POLR3B: variants seen among roughly 807,000 people sequenced by gnomAD.
POLR3B encodes DNA-directed RNA polymerase III subunit RPC2.
A neutral mutation model predicts 147.4 loss-of-function variants in POLR3B; 96 were observed. The ratio of observed to expected loss-of-function variants is 0.65; its 90% CI spans 0.55 to 0.77. The LOEUF (loss-of-function observed/expected upper bound fraction) is 0.77. Among genes scored for constraint, POLR3B ranks in the 30% least tolerant of loss-of-function variants. The probability of loss-of-function intolerance (pLI) is 0.00; values close to 1 mark genes in which losing one functional copy is unlikely to be tolerated. For missense variants in POLR3B, 1,036 were observed against 1,413.5 expected (o/e 0.73, Z 4.28); for synonymous variants, 461 against 485.9 (o/e 0.95, Z 0.67).
intron 14 of POLR3B, among the ~76,000 whole-genome samples, chr12:106,431,026 G>C (rs1339704070): frequency 2.0e-5 from 3 of 152,148 alleles, no homozygotes; most frequent in Middle Eastern, 3.2e-3. Context: ...TGTTAACATT[G>C]TTAGTTTCAC....
At chr12:106,432,238 T>C in intron 14 of POLR3B, 80 bp from the exon 15 acceptor site, 9 of 1,308,782 alleles carry the variant, frequency 6.9e-6, no homozygotes, top group Non-Finnish European at 1.0e-5. Flanking sequence ...GCCAGCAAAG[T>C]AGTGAGCTAT....
intron 12 of POLR3B, among the ~76,000 whole-genome samples, chr12:106,425,276 C>T (rs933742413): frequency 6.6e-5 from 10 of 152,148 alleles, no homozygotes; most frequent in Non-Finnish European, 7.4e-5. Flanking sequence ...CTTTGCCCAA[C>T]CAGGTTTCCT....
At position 106,437,751 on chromosome 12, in the gene POLR3B, A is replaced by C; in HGVS notation, c.1927A>C (p.Ile643Leu). 6.3e-7 allele frequency: 1 copy of C among 1,595,788 alleles called. No homozygotes were observed. The highest frequency in any genetic ancestry group is 8.6e-7 in the Non-Finnish European group (1 of 1,163,432). The change falls in exon 18 of 28, where the codon ATT becomes CTT. Residue 643 changes from isoleucine (I) to leucine (L), a missense_variant. Physicochemically the swap from Ile to Leu is conservative, Grantham distance 5. This residue lies in a region of POLR3B where 177 missense variants were observed against 232.7 expected (regional missense o/e 0.76). Coordinates refer to ENST00000228347, the MANE Select transcript of POLR3B (RefSeq NM_018082.6). The stretch of plus-strand genomic sequence containing the variant: ...TGTGAATGAAGAAAATGATTGTAAC[A>C]TTGCACTGTACGAACACACAATTAA... ...LDVNEENDCN[I>L]ALYEHTINKD...
Position 106,496,846 on chromosome 12 carries a change from A to G in POLR3B, c.2912A>G (p.Asp971Gly). ...GCGTTTGGAGGCAGTAAAGTGAAGG[A>G]TGTGTGTGAGGACCTCGTTCGCCAT... ...GTAFGGSKVK[D>G]VCEDLVRHGY... The change falls in exon 25 of 28, where the codon GAT (aspartate) becomes GGT (glycine). Residue 971 changes from aspartate to glycine, a missense_variant. Around this residue, in one of 12 missense-constraint regions of POLR3B, gnomAD observed 88 missense variants for 87.5 expected, o/e 1.01. Coordinates refer to ENST00000228347, the MANE Select transcript of POLR3B (RefSeq NM_018082.6). The G allele has an allele frequency of 6.2e-7, 1 of 1,614,132 alleles. No homozygotes were observed. Among genetic ancestry groups the G allele is most frequent in the Non-Finnish European group, 8.5e-7 (1 of 1,180,016 alleles).
At chr12:106,386,342 CAA>C (rs61272699) in intron 9 of POLR3B, among the ~76,000 whole-genome samples, 16 of 104,866 alleles carry the variant, frequency 1.5e-4, no homozygotes, top group East Asian at 3.5e-4. Context: ...GACTCCGTCT[CAA>C]AAAAAAAAAA....
In POLR3B at chr12:106,379,940, C is replaced by T. The variant is rs555232960; in HGVS notation, c.615-91C>T. 1.1e-4 allele frequency: 83 copies of T among 761,570 alleles called. 2 individuals carry two copies. In the South Asian group the frequency reaches 1.2e-3, roughly 11 times the overall value. 47.2% of individuals were successfully genotyped at this position (761,570 alleles called of 1,614,324 possible). ...TTGTGATTGTTGTTGATCAGTTGAC[C>T]CTTATTGATTAATGATCATTGCTAT... On this transcript the variant is annotated intron_variant, in intron 8 of 27. Coordinates refer to ENST00000228347, the MANE Select transcript of POLR3B (RefSeq NM_018082.6).
At chr12:106,490,922 G>T (rs888374831) in intron 23 of POLR3B, among the ~76,000 whole-genome samples, 1 of 152,036 alleles carries the variant, frequency 6.6e-6, no homozygotes, top group South Asian at 2.1e-4. Flanking sequence ...GCAACCCCAG[G>T]CCTCGTGAAA....
chr12:106,418,463 T>TTCA, intron 12 of POLR3B, among the ~76,000 whole-genome samples: 1 of 152,260 alleles, frequency 6.6e-6, no homozygotes, highest in South Asian at 2.1e-4. Flanking sequence ...CCAGTTTGTG[T>TTCA]GAAAAGGAGA....
intron 12 of POLR3B, among the ~76,000 whole-genome samples, chr12:106,426,266 G>A (rs1050993907): frequency 6.1e-5 from 9 of 148,504 alleles, no homozygotes; most frequent in African/African-American, 2.3e-4. Flanking sequence ...GTGTGTGTGT[G>A]TTTAAGACAG....
intron 10 of POLR3B, among the ~76,000 whole-genome samples, chr12:106,401,313 G>A (rs960407378): frequency 2.6e-5 from 4 of 152,192 alleles, no homozygotes; most frequent in African/African-American, 4.8e-5. Context: ...AACAGGCTCT[G>A]AAATTGAGGC....
intron 19 of POLR3B, among the ~76,000 whole-genome samples, chr12:106,446,912 A>G (rs1285610320): frequency 6.6e-6 from 1 of 152,146 alleles, no homozygotes; most frequent in African/African-American, 2.4e-5. Flanking sequence ...AAAAATGACA[A>G]AAGGAAAAAG....
chr12:106,443,523 C>CTTT (rs71072678), intron 18 of POLR3B, among the ~76,000 whole-genome samples: 1 of 146,814 alleles, frequency 6.8e-6, no homozygotes, highest in African/African-American at 2.5e-5. Flanking sequence ...AGTAACTATT[C>CTTT]TTTTTTTTTT....
intron 23 of POLR3B, among the ~76,000 whole-genome samples, chr12:106,471,131 A>G (rs575355973): frequency 1.0e-3 from 153 of 152,210 alleles, no homozygotes; most frequent in African/African-American, 3.5e-3. Flanking sequence ...CTTTGTTTAC[A>G]CTGTGAACAT....
chr12:106,385,257 G>A (rs2136908117), intron 9 of POLR3B, among the ~76,000 whole-genome samples: 1 of 152,302 alleles, frequency 6.6e-6, no homozygotes, highest in South Asian at 2.1e-4. Flanking sequence ...TCACTATTCA[G>A]TATTTGGTAT....
At chr12:106,362,950 C>A (rs1311170426) in intron 1 of POLR3B, among the ~76,000 whole-genome samples, 1 of 152,120 alleles carries the variant, frequency 6.6e-6, no homozygotes, top group Non-Finnish European at 1.5e-5. Context: ...TCTATCCCCC[C>A]AAGCACCTTT....
At chr12:106,414,046 C>T (rs1399168354) in intron 12 of POLR3B, among the ~76,000 whole-genome samples, 2 of 150,914 alleles carry the variant, frequency 1.3e-5, no homozygotes, top group Admixed American at 6.6e-5. Flanking sequence ...CATAGATTTA[C>T]ATAGCTTTTT....
chr12:106,380,970 AC>A (rs2036754684), intron 9 of POLR3B, among the ~76,000 whole-genome samples: 1 of 152,256 alleles, frequency 6.6e-6, no homozygotes, highest in South Asian at 2.1e-4. Flanking sequence ...TTATATGTAT[AC>A]TATACTGTAG....
intron 19 of POLR3B, chr12:106,446,156 A>G (rs2037720024): frequency 2.2e-6 from 1 of 446,642 alleles, no homozygotes; most frequent in Admixed American, 2.4e-5. Context: ...GTGTGTCATG[A>G]AAGGGCTATC....
chr12:106,363,278 G>A (rs990627066), intron 1 of POLR3B, among the ~76,000 whole-genome samples: 5 of 152,184 alleles, frequency 3.3e-5, no homozygotes, highest in African/African-American at 1.2e-4. Flanking sequence ...CCACCTGAAT[G>A]TCTAATGGAG....
Sources: gnomAD v4.1 joint callset for allele counts (sites outside exome capture counted in the v4.1 genomes callset) on GRCh38, gnomAD v4.1.1 for gene constraint, gnomAD v4.1.1 regional missense constraint, MANE v1.5 for transcripts, NCBI Gene and HGNC (gene_info 2026-07-23, HGNC 2026-07-21) for gene names.